ZDHHC3: variants seen among roughly 807,000 people sequenced by gnomAD.
ZDHHC3 encodes palmitoyltransferase ZDHHC3.
Under a neutral mutation model 30.6 loss-of-function variants are expected in ZDHHC3, and 9 were observed. The ratio of observed to expected loss-of-function variants is 0.29; its 90% CI spans 0.18 to 0.51. The LOEUF (loss-of-function observed/expected upper bound fraction) is 0.51, where lower values mean the gene tolerates loss of function less well. Ranked by LOEUF, ZDHHC3 falls within the 20% of genes least tolerant of loss-of-function variation. The probability of loss-of-function intolerance (pLI) is 0.97; values close to 1 mark genes in which losing one functional copy is unlikely to be tolerated. For synonymous variants in ZDHHC3, 136 were observed against 140.2 expected, an observed-to-expected ratio of 0.97 and a Z score of 0.21; for missense variants, 246 against 384.2, an observed-to-expected ratio of 0.64 and a Z score of 3.01.
intron 1 of ZDHHC3, among the ~76,000 whole-genome samples, 139 bp downstream of exon 1, chr3:44,975,770 TCTCACACACACACACACACACACA>T (rs1705912034): frequency 9.0e-6 from 1 of 111,492 alleles, no homozygotes; most frequent in Non-Finnish European, 1.9e-5. Context: ...TCTCTCTCTC[TCTCACACACACACACACACACACA>T]CACACACACA....
At position 44,925,536 on chromosome 3, in the gene ZDHHC3, G is replaced by C; in HGVS notation, c.*1153C>G. On this transcript the variant is annotated 3_prime_UTR_variant, in exon 7 of 7. Coordinates refer to ENST00000424952, the MANE Select transcript of ZDHHC3 (RefSeq NM_001135179.2). ...GCCTCTCAAATGGAAAATCTATTCT[G>C]TCCCAGTGCCACAGGCTTAGGTGTG... 1 of 985,474 alleles carries C rather than the reference G, an allele frequency of 1.0e-6. No individual in the cohort carries two copies. The highest frequency in any genetic ancestry group is 1.7e-5 in the African/African-American group (1 of 57,364). 61.0% of individuals were successfully genotyped at this position (985,474 alleles called of 1,614,324 possible).
intron 2 of ZDHHC3, among the ~76,000 whole-genome samples, chr3:44,953,426 G>A (rs1240598819): frequency 6.6e-6 from 1 of 152,164 alleles, no homozygotes; most frequent in East Asian, 1.9e-4. Flanking sequence ...AAGTATCTAG[G>A]ATAATATGAT....
rs965842110 is a variant in ZDHHC3, at chr3:44,959,040, C to T, written c.306+91G>A. 4.0e-6 allele frequency: 6 copies of T among 1,495,392 alleles called. No homozygotes were observed. 92.6% of individuals were successfully genotyped at this position (1,495,392 alleles called of 1,614,324 possible). On this transcript the variant is annotated intron_variant, in intron 2 of 6. Coordinates refer to ENST00000424952, the MANE Select transcript of ZDHHC3 (RefSeq NM_001135179.2). The surrounding 1 kb of genome is among the most constrained non-coding windows in gnomAD (Gnocchi z 4.3). Reference sequence around the variant, plus strand: ...CCTGGCCCTCCTATCCTCCAAGTTCCCAAGGTCCAGGGGGAACATGCAGGC... The same window carrying T: ...CCTGGCCCTCCTATCCTCCAAGTTCTCAAGGTCCAGGGGGAACATGCAGGC...
At chr3:44,933,740 G>A (rs1372480581) in intron 4 of ZDHHC3, 148 bp downstream of exon 4, 3 of 775,454 alleles carry the variant, frequency 3.9e-6, no homozygotes, top group Admixed American at 1.9e-5. Flanking sequence ...CACTTGTTGA[G>A]CCAGAGAGAT....
chr3:44,922,339 TTC>T lies in ZDHHC3; in HGVS notation c.*4348_*4349del, dbSNP rs1208972821. On this transcript the variant is annotated 3_prime_UTR_variant, in exon 7 of 7. Coordinates refer to ENST00000424952, the MANE Select transcript of ZDHHC3 (RefSeq NM_001135179.2). ...CTGGAGGTCCCTTGGTTCTACTCTT[TTC>T]TCTTTCCCTTCCGGGCTGCTTCTTC... 3.0e-6 allele frequency: 3 copies of T among 985,282 alleles called. No homozygotes were observed. The highest frequency in any genetic ancestry group is 9.4e-5 in the South Asian group (2 of 21,286). The allele number at this position is 985,282 out of a possible 1,614,324, so 61.0% of individuals were successfully genotyped here.
intron 1 of ZDHHC3, among the ~76,000 whole-genome samples, chr3:44,965,586 C>A (rs1704875142): frequency 6.6e-6 from 1 of 152,164 alleles, no homozygotes; most frequent in Non-Finnish European, 1.5e-5. Flanking sequence ...GAGTGAGGGG[C>A]AAATCCCTAC....
At chr3:44,969,844 T>A (rs1412293682) in intron 1 of ZDHHC3, 1 of 152,232 alleles carries the variant, frequency 6.6e-6, no homozygotes, top group Non-Finnish European at 1.5e-5. Context: ...AAAATCTGCT[T>A]TGGCTGGGAA....
intron 2 of ZDHHC3, among the ~76,000 whole-genome samples, chr3:44,949,855 A>G (rs1703283321): frequency 6.6e-6 from 1 of 151,686 alleles, no homozygotes; most frequent in South Asian, 2.1e-4. Flanking sequence ...TTTTTTTTTG[A>G]AACAGGGTCT....
chr3:44,926,606 G>C lies in ZDHHC3; in HGVS notation c.*83C>G. The C allele has an allele frequency of 4.5e-6, 6 of 1,328,314 alleles. No individual in the cohort carries two copies. Among genetic ancestry groups the C allele is most frequent in the Non-Finnish European group, 5.8e-6 (6 of 1,031,702 alleles). The allele number at this position is 1,328,314 out of a possible 1,614,324, so 82.3% of individuals were successfully genotyped here. A position where few individuals can be genotyped will look rare whatever the true frequency, so the allele number is the denominator to read the frequency against. ...TTAAGAGTAGTTGTTTTGCTTTTTC[G>C]ATTTAAACATTCATGAGAACGGATG... On this transcript the variant is annotated 3_prime_UTR_variant, in exon 7 of 7. Transcript: ENST00000424952.
At position 44,924,400 on chromosome 3, in the gene ZDHHC3, T is replaced by G; in HGVS notation, c.*2289A>C. On this transcript the variant is annotated 3_prime_UTR_variant, in exon 7 of 7. Coordinates refer to ENST00000424952, the MANE Select transcript of ZDHHC3 (RefSeq NM_001135179.2). ...GGAACCTTGGGGTATTCCTATCTTC[T>G]GAGAGCAACTGGTTTGAGAGCTCAG... The G allele has an allele frequency of 4.1e-6, 4 of 985,462 alleles. No homozygotes were observed. Among genetic ancestry groups the G allele is most frequent in the Non-Finnish European group, 4.8e-6 (4 of 829,932 alleles). The allele number at this position is 985,462 out of a possible 1,614,324, so 61.0% of individuals were successfully genotyped here.
At chr3:44,930,495 G>T (rs536697897) in intron 5 of ZDHHC3, among the ~76,000 whole-genome samples, 1 of 152,296 alleles carries the variant, frequency 6.6e-6, no homozygotes, top group East Asian at 1.9e-4. Context: ...TTCCATACTT[G>T]TGCCTGTTTC....
Position 44,918,244 on chromosome 3 carries a change from G to T in ZDHHC3, c.*8445C>A. 1.7e-6 allele frequency: 2 copies of T among 1,201,938 alleles called. No individual in the cohort carries two copies. Among genetic ancestry groups the T allele is most frequent in the Non-Finnish European group, 2.1e-6 (2 of 939,282 alleles). 74.5% of individuals were successfully genotyped at this position (1,201,938 alleles called of 1,614,324 possible). A position where few individuals can be genotyped will look rare whatever the true frequency, so the allele number is the denominator to read the frequency against. On this transcript the variant is annotated 3_prime_UTR_variant, in exon 7 of 7. Coordinates refer to ENST00000424952, the MANE Select transcript of ZDHHC3 (RefSeq NM_001135179.2). ...TAGCATAGCAGTGGCGGGGGGGGGG[G>T]CGGGGTGTCCACGGCATGGGTAAGA...
At position 44,916,827 on chromosome 3, in the gene ZDHHC3, G is replaced by GGTGT. The variant is rs143002646; in HGVS notation, c.*9858_*9861dup. On this transcript the variant is annotated 3_prime_UTR_variant, in exon 7 of 7. Transcript: ENST00000424952. Reference sequence around the variant, plus strand: ...ATAGAGGGCAGACTCATCCTGGTGGGGTGTGTGTGTGTGTGTGTGTGTTTG... The same window carrying GGTGT: ...ATAGAGGGCAGACTCATCCTGGTGGGGTGTGTGTGTGTGTGTGTGTGTGTGTTTG... 2.0e-3 allele frequency: 300 copies of GGTGT among 149,926 alleles called. No individual in the cohort carries two copies. The highest frequency in any genetic ancestry group is 5.9e-3 in the African/African-American group (241 of 40,966). 9.3% of individuals were successfully genotyped at this position (149,926 alleles called of 1,614,324 possible). A position where few individuals can be genotyped will look rare whatever the true frequency, so the allele number is the denominator to read the frequency against.
chr3:44,927,085 G>A (rs1266222492), intron 6 of ZDHHC3, among the ~76,000 whole-genome samples: 4 of 152,294 alleles, frequency 2.6e-5, no homozygotes, highest in South Asian at 4.1e-4. Flanking sequence ...TATCAGCAGC[G>A]CAGAAACTGC....
intron 5 of ZDHHC3, 56 bp downstream of exon 5, chr3:44,933,062 C>T (rs572666251): frequency 3.7e-6 from 6 of 1,612,156 alleles, no homozygotes; most frequent in Middle Eastern, 1.7e-4. Flanking sequence ...CCCCGCCCCC[C>T]ACTCAGGTCA....
chr3:44,957,038 TC>T (rs1392887588), intron 2 of ZDHHC3, among the ~76,000 whole-genome samples: 1 of 152,138 alleles, frequency 6.6e-6, no homozygotes, highest in African/African-American at 2.4e-5. Context: ...TTGAATCTAC[TC>T]TTTTCTCTAC....
chr3:44,971,851 A>C (rs1391511908), intron 1 of ZDHHC3, among the ~76,000 whole-genome samples: 4 of 152,172 alleles, frequency 2.6e-5, no homozygotes, highest in Non-Finnish European at 5.9e-5. Flanking sequence ...AGACTATGAC[A>C]GTATTCTTTA....
chr3:44,972,742 C>T (rs1022460612), intron 1 of ZDHHC3, among the ~76,000 whole-genome samples: 3 of 152,162 alleles, frequency 2.0e-5, no homozygotes, highest in African/African-American at 7.2e-5. Context: ...TGCAGTAGTT[C>T]GAGGTCCTGG....
chr3:44,930,636 T>C (rs1575791019), intron 5 of ZDHHC3, among the ~76,000 whole-genome samples: 1 of 152,028 alleles, frequency 6.6e-6, no homozygotes, highest in African/African-American at 2.4e-5. Flanking sequence ...GCAAGGGAGG[T>C]CAAATGTGGG....
Sources: allele counts gnomAD v4.1 joint callset (sites outside exome capture counted in the v4.1 genomes callset), GRCh38; gene constraint gnomAD v4.1.1; non-coding constraint Gnocchi (gnomAD v3.1); transcripts MANE v1.5; gene names NCBI Gene and HGNC (gene_info 2026-07-23, HGNC 2026-07-21).